Variants in HTR1E observed in about 807,000 individuals in gnomAD.
The protein encoded by HTR1E is 5-hydroxytryptamine receptor 1E.
HTR1E carries 3 observed loss-of-function variants against 3.4 expected under a neutral mutation model. The observed-to-expected ratio is 0.89, with a 90% CI of 0.41 to 2.31. HTR1E has a LOEUF of 2.31. Among genes scored for constraint, HTR1E ranks in the 30% most tolerant of loss-of-function variants. The pLI is 0.05. For synonymous variants in HTR1E, 170 were observed against 182.8 expected (o/e 0.93, Z 0.56); for missense variants, 392 against 467.0 (o/e 0.84, Z 1.48).
intron 1 of HTR1E, among the ~76,000 whole-genome samples, chr6:87,002,203 G>A (rs1244728048): frequency 6.6e-6 from 1 of 152,154 alleles, no homozygotes; most frequent in Admixed American, 6.5e-5. Flanking sequence ...TCTTAAAGAT[G>A]GTGTGTCCGG....
At chr6:86,967,791 T>C (rs1235815506) in intron 1 of HTR1E, among the ~76,000 whole-genome samples, 1 of 152,194 alleles carries the variant, frequency 6.6e-6, no homozygotes, top group Non-Finnish European at 1.5e-5. Context: ...CCTATCTCAT[T>C]ATATAACTTG....
At chr6:87,000,026 G>A (rs1767996530) in intron 1 of HTR1E, 1 of 162,372 alleles carries the variant, frequency 6.2e-6, no homozygotes, top group Non-Finnish European at 1.4e-5. Flanking sequence ...TGCTGCTCAT[G>A]ACACGGAAGA....
At chr6:86,987,184 A>G (rs760041498) in intron 1 of HTR1E, among the ~76,000 whole-genome samples, 16 of 152,174 alleles carry the variant, frequency 1.1e-4, no homozygotes, top group Non-Finnish European at 1.9e-4. Flanking sequence ...CCCATGTGCA[A>G]TCTTAGCCCA....
chr6:86,995,667 AAAAAAAAAAAAAAAAAAAAAG>A (rs1244183192), intron 1 of HTR1E, among the ~76,000 whole-genome samples: 2 of 62,380 alleles, frequency 3.2e-5, no homozygotes, highest in East Asian at 5.8e-4. Context: ...CTCCATCTCA[AAAAAAAAAAAAAAAAAAAAAG>A]AAAAAAAAAA....
intron 1 of HTR1E, among the ~76,000 whole-genome samples, chr6:86,976,498 A>C (rs534402455): frequency 6.6e-6 from 1 of 152,328 alleles, no homozygotes; most frequent in Non-Finnish European, 1.5e-5. Context: ...TTTTGTCTAC[A>C]TACTTGTTTC....
chr6:86,995,665 C>CAAA lies in HTR1E; in HGVS notation c.-185-19465_-185-19463dup, dbSNP rs60134206. Among the ~76,000 whole-genome samples the CAAA allele has an allele frequency of 4.2e-3, 154 of 36,638 alleles. 4 individuals carry two copies. Among genetic ancestry groups the CAAA allele is most frequent in the African/African-American group, 8.4e-3 (84 of 10,050 alleles). 24.0% of individuals were successfully genotyped at this position (36,638 alleles called of 152,430 possible). A position where few individuals can be genotyped will look rare whatever the true frequency, so the allele number is the denominator to read the frequency against. On this transcript the variant is annotated intron_variant, in intron 1 of 1. Coordinates refer to ENST00000305344, the MANE Select transcript of HTR1E (RefSeq NM_000865.3). ...TGGGTGACAGAGTGAGACTCCATCT[C>CAAA]AAAAAAAAAAAAAAAAAAAAAAGAA...
chr6:86,984,338 A>C (rs1355158898), intron 1 of HTR1E, among the ~76,000 whole-genome samples: 1 of 152,218 alleles, frequency 6.6e-6, no homozygotes. Context: ...AAATGAATAC[A>C]TAGATTTAAA....
chr6:86,966,269 A>G (rs530977888), intron 1 of HTR1E, among the ~76,000 whole-genome samples: 219 of 152,368 alleles, frequency 1.4e-3, no homozygotes, highest in African/African-American at 5.0e-3. Flanking sequence ...GTTATAACAT[A>G]AGAAGAAAGA....
intron 1 of HTR1E, among the ~76,000 whole-genome samples, chr6:86,975,261 G>A (rs559943725): frequency 1.4e-4 from 21 of 152,210 alleles, no homozygotes; most frequent in African/African-American, 4.8e-4. Flanking sequence ...TTCCATATAT[G>A]CAATTCCTAT....
chr6:86,967,039 T>A (rs1411298266), intron 1 of HTR1E, among the ~76,000 whole-genome samples: 1 of 152,170 alleles, frequency 6.6e-6, no homozygotes, highest in African/African-American at 2.4e-5. Context: ...TCAGCCCCCA[T>A]GTACCCATGT....
At chr6:86,941,690 G>A (rs966362846) in intron 1 of HTR1E, among the ~76,000 whole-genome samples, 3 of 152,134 alleles carry the variant, frequency 2.0e-5, no homozygotes, top group Admixed American at 2.0e-4. Context: ...CCAGATGGAA[G>A]GTCTTTATGA....
chr6:86,974,379 C>G (rs2127823809), intron 1 of HTR1E, among the ~76,000 whole-genome samples: 1 of 152,298 alleles, frequency 6.6e-6, no homozygotes, highest in Middle Eastern at 3.4e-3. Context: ...TGTTCAGAAT[C>G]AAGTGTTGCA....
At chr6:87,013,508 C>A (rs755833608) in intron 1 of HTR1E, among the ~76,000 whole-genome samples, 1 of 152,056 alleles carries the variant, frequency 6.6e-6, no homozygotes, top group African/African-American at 2.4e-5. Flanking sequence ...GTTAACTTTC[C>A]AAAGTGCTGG....
chr6:87,013,924 A>G (rs530900817), intron 1 of HTR1E, among the ~76,000 whole-genome samples: 4 of 152,302 alleles, frequency 2.6e-5, no homozygotes, highest in Non-Finnish European at 5.9e-5. Flanking sequence ...GAGAAATGCA[A>G]ATCAAAACCA....
intron 1 of HTR1E, among the ~76,000 whole-genome samples, chr6:87,007,774 T>C (rs1295803645): frequency 6.6e-6 from 1 of 151,932 alleles, no homozygotes; most frequent in East Asian, 1.9e-4. Context: ...GTCTCTATAA[T>C]AAATACAAAA....
At chr6:86,994,900 G>A (rs1767914508) in intron 1 of HTR1E, among the ~76,000 whole-genome samples, 1 of 151,940 alleles carries the variant, frequency 6.6e-6, no homozygotes, top group African/African-American at 2.4e-5. Context: ...CTGGAAACTG[G>A]TAACACCAAC....
At chr6:86,963,280 TACAGCTGTAC>T (rs544470521) in intron 1 of HTR1E, among the ~76,000 whole-genome samples, 106 of 152,310 alleles carry the variant, frequency 7.0e-4, no homozygotes, top group African/African-American at 2.3e-3. Flanking sequence ...AATATTTTTG[TACAGCTGTAC>T]AATGTACACC....
chr6:87,001,156 C>T (rs990446311), intron 1 of HTR1E, among the ~76,000 whole-genome samples: 1 of 151,702 alleles, frequency 6.6e-6, no homozygotes, highest in Non-Finnish European at 1.5e-5. Context: ...AAATATATAA[C>T]AAAGACACAA....
chr6:86,989,397 A>AT (rs1267825899), intron 1 of HTR1E, among the ~76,000 whole-genome samples: 1 of 152,200 alleles, frequency 6.6e-6, no homozygotes, highest in Non-Finnish European at 1.5e-5. Context: ...CAAAATCATG[A>AT]TAAAAAAAAT....
Sources: allele counts gnomAD v4.1 joint callset (sites outside exome capture counted in the v4.1 genomes callset), GRCh38; gene constraint gnomAD v4.1.1; transcripts MANE v1.5; gene names NCBI Gene and HGNC (gene_info 2026-07-23, HGNC 2026-07-21).